HECW1: variants seen among roughly 807,000 people sequenced by gnomAD.
The protein encoded by HECW1 is E3 ubiquitin-protein ligase HECW1.
Under a neutral mutation model 182.3 loss-of-function variants are expected in HECW1, and 61 were observed. That is an observed-to-expected ratio of 0.33 (90% CI 0.27 to 0.41). The LOEUF (loss-of-function observed/expected upper bound fraction) is 0.41, where lower values mean the gene tolerates loss of function less well. Ranked by LOEUF, HECW1 falls within the 10% of genes least tolerant of loss-of-function variation. The probability of loss-of-function intolerance (pLI) is 1.00; values close to 1 mark genes in which losing one functional copy is unlikely to be tolerated. For missense variants in HECW1, 1,739 were observed against 2,108.9 expected (o/e 0.82, Z 3.44); for synonymous variants, 859 against 832.6 (o/e 1.03, Z -0.55).
chr7:43,125,769 A>AT (rs1388518742), intron 2 of HECW1, among the ~76,000 whole-genome samples: 10 of 141,230 alleles, frequency 7.1e-5, no homozygotes, highest in African/African-American at 3.1e-4. Context: ...AAAAAAAAAA[A>AT]AAAAAAAAAA....
intron 2 of HECW1, among the ~76,000 whole-genome samples, chr7:43,190,808 G>T (rs2152683107): frequency 6.6e-6 from 1 of 152,296 alleles, no homozygotes; most frequent in Non-Finnish European, 1.5e-5. Context: ...AAGTTCATAA[G>T]GGATTATTCT....
chr7:43,271,587 C>T (rs1170748142), intron 3 of HECW1, among the ~76,000 whole-genome samples: 2 of 152,060 alleles, frequency 1.3e-5, no homozygotes, highest in African/African-American at 4.8e-5. Context: ...ATTAAGAATG[C>T]AATCCAATTT....
At chr7:43,132,530 CTCTCTT>C (rs936573130) in intron 2 of HECW1, among the ~76,000 whole-genome samples, 2 of 151,900 alleles carry the variant, frequency 1.3e-5, no homozygotes, top group African/African-American at 4.8e-5. Flanking sequence ...CCTTCTCTCT[CTCTCTT>C]TCTCTCTTTC....
chr7:43,478,401 C>A (rs974548535), intron 16 of HECW1, among the ~76,000 whole-genome samples: 1 of 151,226 alleles, frequency 6.6e-6, no homozygotes, highest in Non-Finnish European at 1.5e-5. Flanking sequence ...GGGTGACAGG[C>A]AATGAGAGTG....
intron 8 of HECW1, among the ~76,000 whole-genome samples, chr7:43,417,949 T>C (rs542194632): frequency 2.0e-5 from 3 of 152,284 alleles, no homozygotes; most frequent in African/African-American, 7.2e-5. Flanking sequence ...TACAAAAATA[T>C]ATTGTTTCAT....
chr7:43,389,424 A>T (rs1218967639), intron 6 of HECW1, among the ~76,000 whole-genome samples: 1 of 152,136 alleles, frequency 6.6e-6, no homozygotes, highest in African/African-American at 2.4e-5. Flanking sequence ...AGCAGATGCC[A>T]CTCAATTATT....
At chr7:43,518,378 C>G (rs550546485) in intron 24 of HECW1, among the ~76,000 whole-genome samples, 2 of 152,088 alleles carry the variant, frequency 1.3e-5, no homozygotes, top group South Asian at 4.2e-4. Flanking sequence ...TGCCTGTAAT[C>G]CCAGCTACTC....
intron 6 of HECW1, among the ~76,000 whole-genome samples, chr7:43,363,869 C>T (rs1456801699): frequency 6.6e-6 from 1 of 152,216 alleles, no homozygotes. Context: ...AGCAGAACCA[C>T]ATTTCGCTTA....
rs374465715 is a variant in HECW1, at chr7:43,381,742, G to A, written c.556-15072G>A. Among the ~76,000 whole-genome samples, 623 of 152,094 alleles carry A rather than the reference G, an allele frequency of 4.1e-3. 3 individuals are homozygous for A. The highest frequency in any genetic ancestry group is 0.014 in the African/African-American group (592 of 41,502). On this transcript the variant is annotated intron_variant, in intron 6 of 29. Transcript: ENST00000395891. Reference sequence around the variant, plus strand: ...TTTCACCATGTTGGCTAGGCTGGTCGCAAACTCTCGACCTCAGGTGATCTG... The same window carrying A: ...TTTCACCATGTTGGCTAGGCTGGTCACAAACTCTCGACCTCAGGTGATCTG...
At chr7:43,126,334 A>G (rs1451255783) in intron 2 of HECW1, among the ~76,000 whole-genome samples, 1 of 152,106 alleles carries the variant, frequency 6.6e-6, no homozygotes, top group Non-Finnish European at 1.5e-5. Context: ...TTAAAATATA[A>G]CACATATATA....
chr7:43,366,039 G>GT, intron 6 of HECW1, among the ~76,000 whole-genome samples: 1 of 151,680 alleles, frequency 6.6e-6, no homozygotes, highest in South Asian at 2.1e-4. Flanking sequence ...GGAGGTAGAG[G>GT]TTGCAGTGAG....
In HECW1 at chr7:43,160,624, G is replaced by A. The variant is rs569242293; in HGVS notation, c.-32+46233G>A. Among the ~76,000 whole-genome samples the A allele has an allele frequency of 2.0e-4, 30 of 152,098 alleles. No homozygotes were observed. The South Asian group carries it at 4.8e-3, about 24-fold the overall frequency. Reference sequence around the variant, plus strand: ...AGTGTTTGTTTTTGGAGTTTCTTTCGTTCCATTGATCTGTGGTTCTGGTCC... The same window carrying A: ...AGTGTTTGTTTTTGGAGTTTCTTTCATTCCATTGATCTGTGGTTCTGGTCC... On this transcript the variant is annotated intron_variant, in intron 2 of 29. Transcript: ENST00000395891.
At chr7:43,442,427 C>A in intron 9 of HECW1, 102 bp from the exon 10 acceptor site, 1 of 766,160 alleles carries the variant, frequency 1.3e-6, no homozygotes, top group Non-Finnish European at 2.3e-6. Flanking sequence ...TCAGGACTTC[C>A]CTGGGCTTGC....
At chr7:43,478,462 T>G (rs902166325) in intron 16 of HECW1, among the ~76,000 whole-genome samples, 1 of 152,074 alleles carries the variant, frequency 6.6e-6, no homozygotes, top group Non-Finnish European at 1.5e-5. Context: ...TTTAAAACAG[T>G]AAAAAAGTCA....
At chr7:43,120,204 C>G (rs1383269737) in intron 2 of HECW1, among the ~76,000 whole-genome samples, 1 of 152,184 alleles carries the variant, frequency 6.6e-6, no homozygotes, top group Non-Finnish European at 1.5e-5. Context: ...CCCCAGTTGT[C>G]CTTGCTCTTC....
chr7:43,363,676 C>T (rs1471580528), intron 6 of HECW1, among the ~76,000 whole-genome samples: 1 of 152,180 alleles, frequency 6.6e-6, no homozygotes, highest in Non-Finnish European at 1.5e-5. Flanking sequence ...TCCCACAGGA[C>T]TGTATTTTCA....
intron 2 of HECW1, among the ~76,000 whole-genome samples, chr7:43,171,198 T>C (rs1207312791): frequency 1.3e-5 from 2 of 152,184 alleles, no homozygotes; most frequent in Admixed American, 6.5e-5. Flanking sequence ...GGAATGAAGA[T>C]TGTGCCTTTA....
chr7:43,453,854 G>T (rs148064419), intron 12 of HECW1, among the ~76,000 whole-genome samples: 1 of 152,284 alleles, frequency 6.6e-6, no homozygotes, highest in East Asian at 1.9e-4. Flanking sequence ...TCATGCTGAT[G>T]CCTGAAGTTC....
At chr7:43,290,424 T>G (rs1465695023) in intron 3 of HECW1, among the ~76,000 whole-genome samples, 2 of 152,174 alleles carry the variant, frequency 1.3e-5, no homozygotes, top group Non-Finnish European at 2.9e-5. Flanking sequence ...AATTTGGTAT[T>G]GGTATCTTAT....
Sources: gnomAD v4.1 joint callset for allele counts (sites outside exome capture counted in the v4.1 genomes callset) on GRCh38, gnomAD v4.1.1 for gene constraint, MANE v1.5 for transcripts, NCBI Gene and HGNC (gene_info 2026-07-23, HGNC 2026-07-21) for gene names.